The following PUM2 variants were observed in gnomAD, a reference collection of about 807,000 sequenced individuals.
PUM2 encodes the protein pumilio RNA binding family member 2, also known as pumilio homolog 2.
A neutral mutation model predicts 124.5 loss-of-function variants in PUM2; 57 were observed. The observed-to-expected ratio is 0.46, with a 90% CI of 0.37 to 0.57. The LOEUF (loss-of-function observed/expected upper bound fraction) is 0.57. Ranked by LOEUF, PUM2 falls within the 20% of genes least tolerant of loss-of-function variation. PUM2 has a pLI of 0.00. For missense variants in PUM2, 1,065 were observed against 1,290.6 expected (o/e 0.83, Z 2.68); for synonymous variants, 460 against 446.1 (o/e 1.03, Z -0.39).
intron 15 of PUM2, among the ~76,000 whole-genome samples, chr2:20,259,165 T>C (rs953273570): frequency 3.3e-5 from 5 of 152,244 alleles, no homozygotes; most frequent in Admixed American, 2.0e-4. Flanking sequence ...CCAAAGACTA[T>C]AGTGTTATTC....
intron 10 of PUM2, 81 bp downstream of exon 10, chr2:20,290,570 GA>G (rs1047064343): frequency 1.3e-4 from 175 of 1,369,958 alleles, no homozygotes; most frequent in Non-Finnish European, 1.6e-4. Context: ...AATACAGTTT[GA>G]TTTTTTTCAC....
chr2:20,338,768 A>G (rs1331428484), intron 1 of PUM2, among the ~76,000 whole-genome samples: 1 of 152,236 alleles, frequency 6.6e-6, no homozygotes, highest in Non-Finnish European at 1.5e-5. Context: ...AGGTTATTAC[A>G]TGAAAAGGCA....
intron 10 of PUM2, among the ~76,000 whole-genome samples, chr2:20,289,849 T>C (rs1291697710): frequency 2.6e-5 from 4 of 152,208 alleles, no homozygotes; most frequent in Non-Finnish European, 4.4e-5. Flanking sequence ...TAAATGGAAA[T>C]TGGAACTCAA....
At chr2:20,305,611 T>C (rs1678065658) in intron 7 of PUM2, among the ~76,000 whole-genome samples, 1 of 151,766 alleles carries the variant, frequency 6.6e-6, no homozygotes, top group East Asian at 1.9e-4. Flanking sequence ...AATGAAATAC[T>C]AGCAAATTGA....
intron 13 of PUM2, among the ~76,000 whole-genome samples, chr2:20,270,489 T>C (rs1292276233): frequency 1.3e-5 from 2 of 152,176 alleles, no homozygotes; most frequent in African/African-American, 2.4e-5. Flanking sequence ...ATTGTCTCTC[T>C]TGATGGGGTC....
rs1241324039 is a variant in PUM2, at chr2:20,350,727, TC to T, written c.-150del. The T allele has an allele frequency of 1.1e-4, 32 of 302,592 alleles. No homozygotes were observed. The highest frequency in any genetic ancestry group is 1.8e-3 in the Middle Eastern group (1 of 554). 18.7% of individuals were successfully genotyped at this position (302,592 alleles called of 1,614,324 possible). A position where few individuals can be genotyped will look rare whatever the true frequency, so the allele number is the denominator to read the frequency against. ...TGTCTTCTTTCTCCACCTACCACCC[TC>T]CCCCCCCACCCCACCTCCTCCTTCT... On this transcript the variant is annotated 5_prime_UTR_variant, in exon 1 of 21. Transcript: ENST00000361078.
chr2:20,290,777 C>A lies in PUM2; in HGVS notation c.1166G>T (p.Gly389Val). The A allele has an allele frequency of 6.3e-7, 1 of 1,596,490 alleles. No homozygotes were observed. Among genetic ancestry groups the A allele is most frequent in the South Asian group, 1.1e-5 (1 of 87,516 alleles). The change falls in exon 10 of 21, where the codon GGA (glycine) becomes GTA (valine). Residue 389 changes from glycine (G) to valine (V), a missense_variant. Physicochemically the swap from Gly to Val is moderately radical, Grantham distance 109. This residue lies in a region of PUM2 where 968 missense variants were observed against 1,159.8 expected (regional missense o/e 0.83). Coordinates refer to ENST00000361078, the MANE Select transcript of PUM2 (RefSeq NM_015317.5). ...QPGQQQVLRA[G>V]AGQRPLTPNQ... ...GGGAGTAAGAGGACGCTGACCTGCT[C>A]CAGCACGGAGAACCTACAAAGGTAA...
At chr2:20,257,857 G>A (rs1183708833) in intron 16 of PUM2, among the ~76,000 whole-genome samples, 1 of 152,012 alleles carries the variant, frequency 6.6e-6, no homozygotes, top group East Asian at 1.9e-4. Context: ...TTTCATATAT[G>A]TAAATAAAAC....
At chr2:20,304,573 A>G (rs1677772336) in intron 7 of PUM2, among the ~76,000 whole-genome samples, 1 of 152,246 alleles carries the variant, frequency 6.6e-6, no homozygotes, top group Admixed American at 6.5e-5. Flanking sequence ...TTACCAGCAC[A>G]GTGGAGTGGT....
intron 8 of PUM2, among the ~76,000 whole-genome samples, chr2:20,295,037 G>T (rs754416382): frequency 6.6e-6 from 1 of 152,026 alleles, no homozygotes; most frequent in Non-Finnish European, 1.5e-5. Flanking sequence ...TTTCAGTCAC[G>T]ATTCTCACAG....
rs1400628766 is a variant in PUM2 at position 20,339,877 on chromosome 2, G to C, written c.-19+10720C>G. On this transcript the variant is annotated intron_variant, in intron 1 of 20. Transcript: ENST00000361078. Reference sequence around the variant, plus strand: ...GCCACTGTACTCCAGCCTGGGCGATGAGTGAAACTCCATCTCAAAAAATAA... The same window carrying C: ...GCCACTGTACTCCAGCCTGGGCGATCAGTGAAACTCCATCTCAAAAAATAA... Among the ~76,000 whole-genome samples, 4 of 152,082 alleles carry C rather than the reference G, an allele frequency of 2.6e-5. No individual in the cohort carries two copies. In the East Asian group the frequency reaches 7.7e-4, roughly 29 times the overall value.
At position 20,294,461 on chromosome 2, in the gene PUM2, T is replaced by C. The variant is rs1277452721; in HGVS notation, c.1067A>G (p.Asn356Ser). 1.9e-6 allele frequency: 3 copies of C among 1,614,046 alleles called. No homozygotes were observed. Among genetic ancestry groups the C allele is most frequent in the South Asian group, 1.1e-5 (1 of 91,088 alleles). ...YGVPWGVYPA[N>S]LFQQQAAAAA... ...AGCTGCAGCTTGCTGCTGAAATAAG[T>C]TGGCTGGATACACCCCCCATGGAAC... The change falls in exon 9 of 21, where the codon AAC becomes AGC. Residue 356 changes from asparagine to serine, a missense_variant. Asn to Ser is a conservative substitution (Grantham distance 46). Around this residue, in one of 3 missense-constraint regions of PUM2, gnomAD observed 968 missense variants for 1,159.8 expected, o/e 0.83. Coordinates refer to ENST00000361078, the MANE Select transcript of PUM2 (RefSeq NM_015317.5).
chr2:20,323,925 AAAAAAAAAAAAAAT>A (rs1683031597), intron 2 of PUM2, among the ~76,000 whole-genome samples: 1 of 149,626 alleles, frequency 6.7e-6, no homozygotes, highest in African/African-American at 2.5e-5. Flanking sequence ...AAAAAAAAAA[AAAAAAAAAAAAAAT>A]CCAGTATCAG....
Position 20,290,786 on chromosome 2 carries a change from A to G in PUM2, c.1157T>C (p.Leu386Pro). 1 of 1,583,796 alleles carries G rather than the reference A, an allele frequency of 6.3e-7. No homozygotes were observed. Among genetic ancestry groups the G allele is most frequent in the South Asian group, 1.2e-5 (1 of 85,192 alleles). Residue 386 changes from leucine (L) to proline (P), a missense_variant, in exon 10 of 21, where the codon CTC becomes CCC. Leu to Pro is a moderately conservative substitution (Grantham distance 98, BLOSUM62 -3). Transcript: ENST00000361078. ...AGGACGCTGACCTGCTCCAGCACGG[A>G]GAACCTACAAAGGTAAAATGATTTT... ...SQAQPGQQQVLRAGAGQRPLT... is the reference protein window; with the variant it reads ...SQAQPGQQQVPRAGAGQRPLT...
chr2:20,301,324 G>A (rs1024830393), intron 7 of PUM2, among the ~76,000 whole-genome samples: 17 of 151,784 alleles, frequency 1.1e-4, no homozygotes, highest in Non-Finnish European at 1.5e-5. Context: ...AATGTATTAG[G>A]GTTCCTGTTC....
At chr2:20,323,849 T>C (rs949300597) in intron 2 of PUM2, among the ~76,000 whole-genome samples, 8 of 134,600 alleles carry the variant, frequency 5.9e-5, no homozygotes, top group Non-Finnish European at 9.2e-5. Flanking sequence ...TTTTCAATCA[T>C]ATTTTAATTC....
intron 1 of PUM2, chr2:20,350,391 T>TA: frequency 1.4e-6 from 1 of 724,334 alleles, no homozygotes; most frequent in Non-Finnish European, 1.7e-6. Context: ...CGGCGCCCCC[T>TA]CCCCCGCACG....
intron 1 of PUM2, among the ~76,000 whole-genome samples, chr2:20,346,313 A>G (rs978413242): frequency 2.0e-5 from 3 of 152,336 alleles, no homozygotes; most frequent in East Asian, 1.9e-4. Flanking sequence ...TTCTTAATAA[A>G]CTAACTTAAA....
rs1462420408 is a variant in PUM2, at chr2:20,294,656, G to A, written c.1010-138C>T. 6.0e-6 allele frequency: 6 copies of A among 997,204 alleles called. No homozygotes were observed. The South Asian group carries it at 8.1e-5, about 14-fold the overall frequency. 61.8% of individuals were successfully genotyped at this position (997,204 alleles called of 1,614,324 possible). A position where few individuals can be genotyped will look rare whatever the true frequency, so the allele number is the denominator to read the frequency against. ...ACATGTCTTTATAATAAAAGACAAA[G>A]TATTGATGGGTGACAGCAATGGTCT... On this transcript the variant is annotated intron_variant, in intron 8 of 20. Transcript: ENST00000361078.
Sources: allele counts gnomAD v4.1 joint callset (sites outside exome capture counted in the v4.1 genomes callset), GRCh38; gene constraint gnomAD v4.1.1; regional missense constraint gnomAD v4.1.1; transcripts MANE v1.5; gene names NCBI Gene and HGNC (gene_info 2026-07-23, HGNC 2026-07-21).